Variants in PCDHGB1 observed in about 807,000 individuals in gnomAD.
PCDHGB1 encodes protocadherin gamma-B1.
A neutral mutation model predicts 56.6 loss-of-function variants in PCDHGB1; 34 were observed. The observed-to-expected ratio is 0.60, with a 90% CI of 0.46 to 0.80. The LOEUF (loss-of-function observed/expected upper bound fraction) is 0.80, where lower values mean the gene tolerates loss of function less well. Among genes scored for constraint, PCDHGB1 ranks in the 30% least tolerant of loss-of-function variants. The pLI is 0.00. For synonymous variants in PCDHGB1, 561 were observed against 505.9 expected, an observed-to-expected ratio of 1.11 and a Z score of -1.46; for missense variants, 1,278 against 1,204.6, an observed-to-expected ratio of 1.06 and a Z score of -0.90.
At chr5:141,463,168 T>C (rs74924211) in intron 1 of PCDHGB1, among the ~76,000 whole-genome samples, 6,974 of 152,254 alleles carry the variant, frequency 0.046, 178 homozygotes, top group Middle Eastern at 0.082. Context: ...GTGCACTCTA[T>C]GTATGCTCAG....
Position 141,490,413 on chromosome 5 carries a change from G to A in PCDHGB1, c.2410-4394G>A, listed in dbSNP as rs2233606. On this transcript the variant is annotated intron_variant, in intron 1 of 3. Transcript: ENST00000523390. The surrounding 1 kb of genome is among the most constrained non-coding windows in gnomAD (Gnocchi z 5.4). ...GTGAAGTGAGCCTTGATATCTCTCC[G>A]GACCTGCCATTTCAGATTAAGCCTT... 2.3e-3 allele frequency: 3,787 copies of A among 1,614,128 alleles called. 38 individuals are homozygous for A. In the African/African-American group the frequency reaches 0.027, roughly 12 times the overall value.
chr5:141,376,561 A>G (rs780141155), intron 1 of PCDHGB1: 3 of 1,608,212 alleles, frequency 1.9e-6, no homozygotes, highest in South Asian at 1.1e-5. Context: ...CCGCAACCCA[A>G]CTAATCAGAC....
In PCDHGB1 at chr5:141,376,687, T is replaced by G. The variant is rs1033908230; in HGVS notation, c.2409+24018T>G. On this transcript the variant is annotated intron_variant, in intron 1 of 3. Coordinates refer to ENST00000523390, the MANE Select transcript of PCDHGB1 (RefSeq NM_018922.3). ...CAGGTGAGGGTATCGTTTTTTTTTT[T>G]TTTTTTTTTTGAGACGGAGTCTCGC... The G allele has an allele frequency of 1.3e-4, 108 of 822,468 alleles. 3 individuals are homozygous for G. The highest frequency in any genetic ancestry group is 8.8e-4 in the East Asian group (32 of 36,212). 50.9% of individuals were successfully genotyped at this position (822,468 alleles called of 1,614,324 possible).
intron 2 of PCDHGB1, among the ~76,000 whole-genome samples, chr5:141,502,654 C>T (rs1424933188): frequency 6.6e-6 from 1 of 152,230 alleles, no homozygotes; most frequent in South Asian, 2.1e-4. Context: ...TAGGCAGCAA[C>T]CCTTCATGCA....
rs111842066 is a variant in PCDHGB1, at chr5:141,486,269, G to A, written c.2410-8538G>A. 6.2e-7 allele frequency: 1 copy of A among 1,613,996 alleles called. No homozygotes were observed. Reference sequence around the variant, plus strand: ...AACCCTCCCCGAGAGTGCAGAACCTGGCACTGTGGTGGCACTTATCAGTGT... The same window carrying A: ...AACCCTCCCCGAGAGTGCAGAACCTAGCACTGTGGTGGCACTTATCAGTGT... On this transcript the variant is annotated intron_variant, in intron 1 of 3. Transcript: ENST00000523390. This position sits in a 1 kb window ranked among gnomAD's most constrained non-coding sequence, Gnocchi z 5.0.
In PCDHGB1 at chr5:141,352,172, C is replaced by T. The variant is rs777128757; in HGVS notation, c.1912C>T (p.Leu638=). 2 of 1,613,514 alleles carry T rather than the reference C, an allele frequency of 1.2e-6. No homozygotes were observed. Among genetic ancestry groups the T allele is most frequent in the African/African-American group, 1.3e-5 (1 of 74,938 alleles). The change falls in exon 1 of 4, where the codon CTG becomes TTG. Residue 638 remains leucine (L), a synonymous_variant. Coordinates refer to ENST00000523390, the MANE Select transcript of PCDHGB1 (RefSeq NM_018922.3). ...LGDRDAARQR[L]LVAVRDGGQP... is the part of the protein sequence containing the mutation. ...CGACAGGGACGCGGCCCGCCAGCGC[C>T]TGCTGGTCGCTGTGCGTGATGGAGG...
At chr5:141,430,586 C>G in intron 1 of PCDHGB1, 1 of 517,248 alleles carries the variant, frequency 1.9e-6, no homozygotes, top group Non-Finnish European at 3.1e-6. Context: ...TCCTGCTCGC[C>G]TTGCACGCGC....
At position 141,350,158 on chromosome 5, in the gene PCDHGB1, CCTAA is replaced by C; in HGVS notation, c.-98_-95del. 9.5e-7 allele frequency: 1 copy of C among 1,055,330 alleles called. No individual in the cohort carries two copies. 65.4% of individuals were successfully genotyped at this position (1,055,330 alleles called of 1,614,324 possible). On this transcript the variant is annotated 5_prime_UTR_variant, in exon 1 of 4. Transcript: ENST00000523390. The stretch of plus-strand genomic sequence containing the variant: ...CGCTGCTCCTGTTCACCCTCGAGCG[CCTAA>C]CTAATAAGTCCTAAGCTCAAATCAC...
intron 1 of PCDHGB1, chr5:141,372,835 C>T (rs894902171): frequency 1.3e-6 from 2 of 1,535,142 alleles, no homozygotes; most frequent in Non-Finnish European, 1.8e-6. Context: ...CCTTTCCTTC[C>T]ATAAATATAA....
At chr5:141,421,873 T>G (rs1219669838) in intron 1 of PCDHGB1, 3 of 1,613,592 alleles carry the variant, frequency 1.9e-6, no homozygotes, top group Non-Finnish European at 2.5e-6. Context: ...CCTCACAGCT[T>G]TAGATGGAGG....
At chr5:141,370,501 C>G in intron 1 of PCDHGB1, 1 of 1,613,952 alleles carries the variant, frequency 6.2e-7, no homozygotes, top group South Asian at 1.1e-5. Flanking sequence ...ATCCGCTACG[C>G]TATTCCCGAG....
chr5:141,491,954 C>CA lies in PCDHGB1; in HGVS notation c.2410-2847dup. 1 of 1,032,920 alleles carries CA rather than the reference C, an allele frequency of 9.7e-7. No homozygotes were observed. Among genetic ancestry groups the CA allele is most frequent in the Non-Finnish European group, 1.3e-6 (1 of 747,262 alleles). 64.0% of individuals were successfully genotyped at this position (1,032,920 alleles called of 1,614,324 possible). A position where few individuals can be genotyped will look rare whatever the true frequency, so the allele number is the denominator to read the frequency against. ...TGGGACCGACCCCCACCCCTACACTCAAAAAAGGCCGGGGCCTCCTTCGAG... is the reference window on the plus strand; with the variant it reads ...TGGGACCGACCCCCACCCCTACACTCAAAAAAAGGCCGGGGCCTCCTTCGAG... On this transcript the variant is annotated intron_variant, in intron 1 of 3. Coordinates refer to ENST00000523390, the MANE Select transcript of PCDHGB1 (RefSeq NM_018922.3). This position sits in a 1 kb window ranked among gnomAD's most constrained non-coding sequence, Gnocchi z 6.9.
Position 141,420,249 on chromosome 5 carries a change from A to C in PCDHGB1, c.2409+67580A>C. 4 of 1,580,072 alleles carry C rather than the reference A, an allele frequency of 2.5e-6. No homozygotes were observed. In the Admixed American group the frequency reaches 7.3e-5, roughly 29 times the overall value. On this transcript the variant is annotated intron_variant, in intron 1 of 3. Transcript: ENST00000523390. The stretch of plus-strand genomic sequence containing the variant: ...GCTAGCATTTTAACTCCCAGCGTTG[A>C]AGCAGATAAGAAGATTCTTAAACAG...
intron 1 of PCDHGB1, chr5:141,371,951 C>A: frequency 6.2e-7 from 1 of 1,613,306 alleles, no homozygotes; most frequent in Non-Finnish European, 8.5e-7. Flanking sequence ...CGCAGCGAGC[C>A]TTCGACCACG....
In PCDHGB1 at chr5:141,408,212, A is replaced by C. The variant is rs1360693546; in HGVS notation, c.2409+55543A>C. ...AGAACCCGAGCGAACGATGGGAGGGAGCTGCGCGCAGAGGCGCCGGGCCGG... is the reference window on the plus strand; with the variant it reads ...AGAACCCGAGCGAACGATGGGAGGGCGCTGCGCGCAGAGGCGCCGGGCCGG... On this transcript the variant is annotated intron_variant, in intron 1 of 3. Coordinates refer to ENST00000523390, the MANE Select transcript of PCDHGB1 (RefSeq NM_018922.3). 1.9e-6 allele frequency: 3 copies of C among 1,554,492 alleles called. No individual in the cohort carries two copies. In the Admixed American group the frequency reaches 5.9e-5, roughly 30 times the overall value.
intron 1 of PCDHGB1, chr5:141,399,616 C>G (rs777443975): frequency 6.2e-7 from 1 of 1,613,962 alleles, no homozygotes. Flanking sequence ...GCCTCTGGCA[C>G]TGGCCTCTTA....
intron 1 of PCDHGB1, chr5:141,375,644 G>C: frequency 6.2e-7 from 1 of 1,614,180 alleles, no homozygotes; most frequent in Non-Finnish European, 8.5e-7. Flanking sequence ...GCGCTCCTTC[G>C]ACTATGAGCA....
At chr5:141,433,935 T>G (rs2097665519) in intron 1 of PCDHGB1, among the ~76,000 whole-genome samples, 2 of 152,150 alleles carry the variant, frequency 1.3e-5, no homozygotes, top group African/African-American at 2.4e-5. Context: ...GATTTTATAA[T>G]TCCATTGTTT....
intron 1 of PCDHGB1, among the ~76,000 whole-genome samples, chr5:141,450,304 T>C (rs759506660): frequency 1.3e-5 from 2 of 151,906 alleles, no homozygotes; most frequent in African/African-American, 2.4e-5. Flanking sequence ...TGAGCCACCA[T>C]GTGTGGCCTA....
Sources: gnomAD v4.1 joint callset for allele counts (sites outside exome capture counted in the v4.1 genomes callset) on GRCh38, gnomAD v4.1.1 for gene constraint, Gnocchi (gnomAD v3.1) non-coding constraint, MANE v1.5 for transcripts, NCBI Gene and HGNC (gene_info 2026-07-23, HGNC 2026-07-21) for gene names.